FBXL7: variants seen among roughly 807,000 people sequenced by gnomAD.
FBXL7 encodes F-box and leucine rich repeat protein 7.
FBXL7 carries 12 observed loss-of-function variants against 38.3 expected under a neutral mutation model. The ratio of observed to expected loss-of-function variants is 0.31; its 90% CI spans 0.20 to 0.51. The LOEUF is 0.51. Among genes scored for constraint, FBXL7 ranks in the 20% least tolerant of loss-of-function variants. FBXL7 has a pLI of 0.98. For synonymous variants in FBXL7, 297 were observed against 300.9 expected, an observed-to-expected ratio of 0.99 and a Z score of 0.13; for missense variants, 567 against 676.4, an observed-to-expected ratio of 0.84 and a Z score of 1.79.
intron 2 of FBXL7, among the ~76,000 whole-genome samples, chr5:15,703,111 CAG>C (rs1743581466): frequency 6.6e-6 from 1 of 152,192 alleles, no homozygotes; most frequent in African/African-American, 2.4e-5. Flanking sequence ...GTGCAGGTCA[CAG>C]GGGATATGAT....
intron 1 of FBXL7, among the ~76,000 whole-genome samples, chr5:15,503,041 T>C (rs1483716473): frequency 6.6e-6 from 1 of 152,178 alleles, no homozygotes; most frequent in East Asian, 1.9e-4. Flanking sequence ...TGAGAAGTAC[T>C]CTGTACTTCT....
At chr5:15,878,786 G>A (rs1365050620) in intron 2 of FBXL7, among the ~76,000 whole-genome samples, 2 of 152,128 alleles carry the variant, frequency 1.3e-5, no homozygotes, top group Non-Finnish European at 2.9e-5. Flanking sequence ...GAGATTAAAT[G>A]CACTTAGGGT....
At chr5:15,675,830 G>A (rs1361983596) in intron 2 of FBXL7, among the ~76,000 whole-genome samples, 2 of 152,166 alleles carry the variant, frequency 1.3e-5, no homozygotes, top group East Asian at 1.9e-4. Flanking sequence ...ACACCGAAGA[G>A]AAGGACTGTA....
intron 3 of FBXL7, among the ~76,000 whole-genome samples, chr5:15,932,231 G>A (rs990450144): frequency 6.6e-6 from 1 of 152,116 alleles, no homozygotes; most frequent in African/African-American, 2.4e-5. Flanking sequence ...AATGAGTTAA[G>A]ACATGTTAAG....
chr5:15,627,556 C>G (rs150720372), intron 2 of FBXL7, among the ~76,000 whole-genome samples: 1 of 152,124 alleles, frequency 6.6e-6, no homozygotes, highest in African/African-American at 2.4e-5. Flanking sequence ...TTACAGATTG[C>G]GTGGCCACAG....
chr5:15,901,578 T>G (rs973791793), intron 2 of FBXL7, among the ~76,000 whole-genome samples: 1 of 152,180 alleles, frequency 6.6e-6, no homozygotes, highest in Non-Finnish European at 1.5e-5. Context: ...ATAATTTACT[T>G]CCCTACAAGA....
chr5:15,601,685 C>T (rs1739797795), intron 1 of FBXL7, among the ~76,000 whole-genome samples: 1 of 152,148 alleles, frequency 6.6e-6, no homozygotes, highest in Non-Finnish European at 1.5e-5. Context: ...TTCAATCTTA[C>T]TTGCTCATCT....
At chr5:15,680,124 T>C (rs2126608937) in intron 2 of FBXL7, among the ~76,000 whole-genome samples, 1 of 152,334 alleles carries the variant, frequency 6.6e-6, no homozygotes, top group Non-Finnish European at 1.5e-5. Flanking sequence ...CTGCAAATCA[T>C]TAAAACCACT....
At position 15,633,739 on chromosome 5, in the gene FBXL7, A is replaced by ATATTATTAT. The variant is rs35409501; in HGVS notation, c.127+17699_127+17707dup. Among the ~76,000 whole-genome samples, 281 of 143,416 alleles carry ATATTATTAT rather than the reference A, an allele frequency of 2.0e-3. 4 individuals are homozygous for ATATTATTAT. The highest frequency in any genetic ancestry group is 2.6e-3 in the African/African-American group (103 of 39,074). The allele number at this position is 143,416 out of a possible 152,430, so 94.1% of individuals were successfully genotyped here. ...AACTTTTAATCATGTAGGGACACAG[A>ATATTATTAT]TATTATTATTATTATTATTATTATT... On this transcript the variant is annotated intron_variant, in intron 2 of 3. Transcript: ENST00000504595.
rs548377921 is a variant in FBXL7, at chr5:15,921,966, C to A, written c.128-5924C>A. The stretch of plus-strand genomic sequence containing the variant: ...GTAGAGTACCATATGACCCAGCAAT[C>A]CCTCTTTTGGGCACATACCCAAAGG... On this transcript the variant is annotated intron_variant, in intron 2 of 3. Transcript: ENST00000504595. Among the ~76,000 whole-genome samples, 5 of 152,208 alleles carry A rather than the reference C, an allele frequency of 3.3e-5. No individual in the cohort carries two copies. In the South Asian group the frequency reaches 1.0e-3, roughly 32 times the overall value.
At chr5:15,556,069 C>A (rs1738229022) in intron 1 of FBXL7, among the ~76,000 whole-genome samples, 1 of 144,220 alleles carries the variant, frequency 6.9e-6, no homozygotes, top group Admixed American at 6.9e-5. Flanking sequence ...TTATCTTCAT[C>A]TGTTTATTAT....
In FBXL7 at chr5:15,634,834, A is replaced by G. The variant is rs143372413; in HGVS notation, c.127+18762A>G. Among the ~76,000 whole-genome samples the G allele has an allele frequency of 4.9e-4, 74 of 152,186 alleles. No homozygotes were observed. The East Asian group carries it at 0.014, about 30-fold the overall frequency. ...ATCTAGTTTCATGACCCTCTCCTGC[A>G]TCTTTAAAGCCAGTAGCATAGCCTC... On this transcript the variant is annotated intron_variant, in intron 2 of 3. Transcript: ENST00000504595.
At chr5:15,570,772 G>T (rs1240061838) in intron 1 of FBXL7, among the ~76,000 whole-genome samples, 1 of 152,122 alleles carries the variant, frequency 6.6e-6, no homozygotes, top group East Asian at 1.9e-4. Flanking sequence ...TGTGTGTGCT[G>T]GTTCCTCTTC....
At chr5:15,634,507 G>GC (rs1209553534) in intron 2 of FBXL7, among the ~76,000 whole-genome samples, 6 of 77,110 alleles carry the variant, frequency 7.8e-5, no homozygotes, top group Non-Finnish European at 1.5e-4. Context: ...TTTTTAGTTG[G>GC]GGGGGGGGTT....
chr5:15,642,918 C>G (rs78400342), intron 2 of FBXL7, among the ~76,000 whole-genome samples: 44 of 152,284 alleles, frequency 2.9e-4, no homozygotes, highest in African/African-American at 9.9e-4. Flanking sequence ...AAGTGCAAAA[C>G]TCTACTTTCT....
intron 2 of FBXL7, among the ~76,000 whole-genome samples, chr5:15,822,622 C>CTTTTTTTTTTTTTTTTTTTTTTT (rs371800054): frequency 1.5e-5 from 2 of 131,806 alleles, no homozygotes; most frequent in Non-Finnish European, 3.2e-5. Flanking sequence ...GCTGGTTGCT[C>CTTTTTTTTTTTTTTTTTTTTTTT]TTTTTTTTTT....
chr5:15,591,709 A>G (rs948074725), intron 1 of FBXL7, among the ~76,000 whole-genome samples: 2 of 151,744 alleles, frequency 1.3e-5, no homozygotes, highest in African/African-American at 4.8e-5. Flanking sequence ...TTGGCCTCTT[A>G]TTATTTATTT....
Position 15,936,815 on chromosome 5 carries a change from C to A in FBXL7, c.1105C>A (p.Arg369Ser), listed in dbSNP as rs1300223647. The A allele has an allele frequency of 1.9e-6, 3 of 1,613,006 alleles. No individual in the cohort carries two copies. Among genetic ancestry groups the A allele is most frequent in the Non-Finnish European group, 2.5e-6 (3 of 1,179,608 alleles). Residue 369 changes from arginine to serine, a missense_variant, in exon 4 of 4, where the codon CGC becomes AGC. Physicochemically the swap from Arg to Ser is moderately radical, Grantham distance 110. Transcript: ENST00000504595. This position sits in a 1 kb window ranked among gnomAD's most constrained non-coding sequence, Gnocchi z 6.0. Reference sequence around the variant, plus strand: ...CGGCCGGGTCACCGACGTGGGCATCCGCTACGTGGCCAAGTACTGCAGCAA... The same window carrying A: ...CGGCCGGGTCACCGACGTGGGCATCAGCTACGTGGCCAAGTACTGCAGCAA... The part of the protein sequence containing the change: ...HCGRVTDVGI[R>S]YVAKYCSKLR...
intron 2 of FBXL7, among the ~76,000 whole-genome samples, chr5:15,753,719 C>T (rs1292099270): frequency 6.6e-6 from 1 of 152,140 alleles, no homozygotes; most frequent in African/African-American, 2.4e-5. Context: ...TTTGTTGTTT[C>T]TTAGAAGACT....
Sources: allele counts gnomAD v4.1 joint callset (sites outside exome capture counted in the v4.1 genomes callset), GRCh38; gene constraint gnomAD v4.1.1; non-coding constraint Gnocchi (gnomAD v3.1); transcripts MANE v1.5; gene names NCBI Gene and HGNC (gene_info 2026-07-23, HGNC 2026-07-21).